Variants in CHCHD3 observed in about 807,000 individuals in gnomAD.
CHCHD3 encodes coiled-coil-helix-coiled-coil-helix domain containing 3, also known as MICOS complex subunit MIC19.
CHCHD3 carries 20 observed loss-of-function variants against 38.2 expected under a neutral mutation model. That is an observed-to-expected ratio of 0.52 (90% confidence interval 0.37 to 0.76). The LOEUF (loss-of-function observed/expected upper bound fraction) is 0.76. Ranked by LOEUF, CHCHD3 falls within the 30% of genes least tolerant of loss-of-function variation. The pLI is 0.00. For missense variants in CHCHD3, 245 were observed against 279.2 expected (o/e 0.88, Z 0.87); for synonymous variants, 82 against 100.0 (o/e 0.82, Z 1.07).
chr7:132,828,149 T>A (rs1013794652), intron 6 of CHCHD3, among the ~76,000 whole-genome samples: 3 of 152,216 alleles, frequency 2.0e-5, no homozygotes, highest in Non-Finnish European at 4.4e-5. Context: ...CTAGACTTGT[T>A]GCATCATACA....
intron 4 of CHCHD3, among the ~76,000 whole-genome samples, chr7:132,896,036 G>A (rs1185224404): frequency 6.6e-6 from 1 of 152,206 alleles, no homozygotes; most frequent in Non-Finnish European, 1.5e-5. Context: ...TTCAATAAAT[G>A]TCTGTACATA....
At chr7:132,974,624 C>T (rs1811711425) in intron 4 of CHCHD3, among the ~76,000 whole-genome samples, 1 of 152,042 alleles carries the variant, frequency 6.6e-6, no homozygotes, top group Admixed American at 6.6e-5. Flanking sequence ...ACCTGTAATC[C>T]CAGCAGTTTG....
intron 2 of CHCHD3, among the ~76,000 whole-genome samples, chr7:133,036,982 A>T (rs1813697947): frequency 6.6e-6 from 1 of 152,188 alleles, no homozygotes; most frequent in South Asian, 2.1e-4. Context: ...AAGATTTAGG[A>T]TCTGGCTTGA....
chr7:133,023,475 C>T (rs1247776659), intron 3 of CHCHD3, among the ~76,000 whole-genome samples: 1 of 152,110 alleles, frequency 6.6e-6, no homozygotes, highest in Non-Finnish European at 1.5e-5. Flanking sequence ...GATTCCTTAC[C>T]TCTAGATCTC....
intron 7 of CHCHD3, among the ~76,000 whole-genome samples, chr7:132,793,369 T>C (rs1051326252): frequency 1.3e-5 from 2 of 152,234 alleles, no homozygotes; most frequent in African/African-American, 4.8e-5. Flanking sequence ...CCTTCCTTTG[T>C]AAATGCTGTA....
Position 132,948,769 on chromosome 7 carries a change from G to A in CHCHD3, c.369+26400C>T, listed in dbSNP as rs374076074. 2.4e-4 allele frequency among the ~76,000 whole-genome samples: 36 copies of A among 152,212 alleles called. No homozygotes were observed. The East Asian group carries it at 6.9e-3, about 29-fold the overall frequency. On this transcript the variant is annotated intron_variant, in intron 4 of 7. Coordinates refer to ENST00000262570, the MANE Select transcript of CHCHD3 (RefSeq NM_017812.4). ...AAAACAGATTTTGAAGACATTTTCT[G>A]TAATTAAAACGGCTGCTTAGATGCT...
At chr7:132,797,383 C>T (rs1806646043) in intron 6 of CHCHD3, among the ~76,000 whole-genome samples, 1 of 151,984 alleles carries the variant, frequency 6.6e-6, no homozygotes, top group African/African-American at 2.4e-5. Flanking sequence ...CTTTCATTAG[C>T]TCTCCACCCC....
intron 2 of CHCHD3, among the ~76,000 whole-genome samples, chr7:133,047,009 A>T (rs1016811980): frequency 2.6e-5 from 4 of 152,184 alleles, no homozygotes; most frequent in African/African-American, 9.7e-5. Flanking sequence ...AGACATTGTT[A>T]CCTGTGGTCT....
At chr7:133,081,026 G>GTTAGT (rs1278682919) in intron 1 of CHCHD3, among the ~76,000 whole-genome samples, 1 of 152,126 alleles carries the variant, frequency 6.6e-6, no homozygotes, top group East Asian at 1.9e-4. Flanking sequence ...TGTTAATGAA[G>GTTAGT]TTAGTGCTGG....
chr7:133,070,206 T>G lies in CHCHD3; in HGVS notation c.105A>C (p.Arg35=). The change falls in exon 2 of 8, where the codon CGA becomes CGC. Residue 35 remains arginine (R), a synonymous_variant. Coordinates refer to ENST00000262570, the MANE Select transcript of CHCHD3 (RefSeq NM_017812.4). ...AACCAGATGGAGAGGATTCCTTCAT[T>G]CGATCAATCACATTTTCCGAAAGCT... ...GIRLSENVID[R]MKESSPSGSK... is the part of the protein sequence containing the mutation. The G allele has an allele frequency of 6.2e-7, 1 of 1,613,526 alleles. No homozygotes were observed. Among genetic ancestry groups the G allele is most frequent in the Admixed American group, 1.7e-5 (1 of 59,908 alleles).
At chr7:132,805,685 A>G (rs13232568) in intron 6 of CHCHD3, among the ~76,000 whole-genome samples, 60,045 of 151,972 alleles carry the variant, frequency 0.4, 12,184 homozygotes, top group Middle Eastern at 0.51. Context: ...TCAGATGGAT[A>G]GAAGTGGAAC....
In CHCHD3 at chr7:133,081,957, G is replaced by T. The variant is rs755612991; in HGVS notation, c.-20C>A. On this transcript the variant is annotated 5_prime_UTR_variant, in exon 1 of 8. It adds an upstream start codon to the 5' untranslated region. Coordinates refer to ENST00000262570, the MANE Select transcript of CHCHD3 (RefSeq NM_017812.4). ...ACCCATGATTCCGGTTCCTGCCCCA[G>T]CGGAGACCTAGCGGGGAACCACGAG... 1 of 1,533,312 alleles carries T rather than the reference G, an allele frequency of 6.5e-7. No individual in the cohort carries two copies. The highest frequency in any genetic ancestry group is 1.2e-5 in the South Asian group (1 of 81,628). 95.0% of individuals were successfully genotyped at this position (1,533,312 alleles called of 1,614,324 possible).
chr7:133,048,158 C>G (rs1344337238), intron 2 of CHCHD3, among the ~76,000 whole-genome samples: 1 of 151,942 alleles, frequency 6.6e-6, no homozygotes, highest in African/African-American at 2.4e-5. Flanking sequence ...AAAAAAAATA[C>G]CTACTCAGAC....
intron 5 of CHCHD3, among the ~76,000 whole-genome samples, chr7:132,855,285 C>A (rs941861562): frequency 2.6e-5 from 4 of 152,130 alleles, no homozygotes; most frequent in Non-Finnish European, 4.4e-5. Flanking sequence ...CTTAACCAAA[C>A]CACAATACCC....
intron 7 of CHCHD3, among the ~76,000 whole-genome samples, chr7:132,786,910 T>G (rs190975815): frequency 1.3e-5 from 2 of 152,358 alleles, no homozygotes; most frequent in African/African-American, 4.8e-5. Flanking sequence ...TTTCCCAGTT[T>G]CTGTGTCCCC....
intron 3 of CHCHD3, among the ~76,000 whole-genome samples, chr7:133,018,426 T>G (rs1242391800): frequency 6.6e-6 from 1 of 152,256 alleles, no homozygotes; most frequent in Non-Finnish European, 1.5e-5. Context: ...GAGAATATAC[T>G]GACTGCTAAC....
At chr7:132,864,525 C>T (rs1293299392) in intron 5 of CHCHD3, among the ~76,000 whole-genome samples, 1 of 152,124 alleles carries the variant, frequency 6.6e-6, no homozygotes, top group African/African-American at 2.4e-5. Context: ...TAAGTGAGCA[C>T]ATGCTTTGGG....
chr7:132,862,196 A>G lies in CHCHD3; in HGVS notation c.453+23466T>C, dbSNP rs550512999. ...AAGGGAGGGGAGGGAAAGAAGGGAG[A>G]GGAACAGAGAGAGAGAGATGGAGAA... On this transcript the variant is annotated intron_variant, in intron 5 of 7. Coordinates refer to ENST00000262570, the MANE Select transcript of CHCHD3 (RefSeq NM_017812.4). Among the ~76,000 whole-genome samples the G allele has an allele frequency of 2.1e-3, 316 of 152,024 alleles. 2 individuals carry two copies. The highest frequency in any genetic ancestry group is 2.1e-3 in the Non-Finnish European group (144 of 67,950).
chr7:132,809,291 T>C (rs1202851956), intron 6 of CHCHD3, among the ~76,000 whole-genome samples: 2 of 152,184 alleles, frequency 1.3e-5, no homozygotes, highest in Admixed American at 1.3e-4. Context: ...CTGAGATTGT[T>C]AGTTCCTGTT....
Sources: allele counts gnomAD v4.1 joint callset (sites outside exome capture counted in the v4.1 genomes callset), GRCh38; gene constraint gnomAD v4.1.1; transcripts MANE v1.5; gene names NCBI Gene and HGNC (gene_info 2026-07-23, HGNC 2026-07-21).